ODAD2: variants seen among roughly 807,000 people sequenced by gnomAD.
The protein encoded by ODAD2 is outer dynein arm docking complex subunit 2.
In ODAD2, 89 loss-of-function variants were observed where a neutral mutation model predicts 106.8. The observed-to-expected ratio is 0.83, with a 90% CI of 0.70 to 0.99. The LOEUF (loss-of-function observed/expected upper bound fraction) is 0.99, where lower values mean the gene tolerates loss of function less well. ODAD2 is among the 50% of genes least tolerant of loss of function. ODAD2 has a pLI of 0.00. For missense variants in ODAD2, 1,168 were observed against 1,238.5 expected, an observed-to-expected ratio of 0.94 and a Z score of 0.85; for synonymous variants, 404 against 436.2, an observed-to-expected ratio of 0.93 and a Z score of 0.92.
chr10:27,875,305 C>T (rs936938530), intron 17 of ODAD2, among the ~76,000 whole-genome samples: 1 of 152,096 alleles, frequency 6.6e-6, no homozygotes, highest in Non-Finnish European at 1.5e-5. Context: ...TTTAAACTTC[C>T]TCCTTTAGCT....
chr10:27,887,797 G>T (rs1589930760), intron 17 of ODAD2, among the ~76,000 whole-genome samples: 1 of 151,742 alleles, frequency 6.6e-6, no homozygotes, highest in Non-Finnish European at 1.5e-5. Context: ...GCAAGAGTTG[G>T]TTACTCAAAA....
intron 19 of ODAD2, among the ~76,000 whole-genome samples, chr10:27,816,941 G>C (rs150527862): frequency 0.018 from 2,719 of 152,136 alleles, 32 homozygotes; most frequent in Non-Finnish European, 0.027. Context: ...GTAGAGACGG[G>C]GTTTTGCCAT....
intron 17 of ODAD2, among the ~76,000 whole-genome samples, chr10:27,898,635 A>G (rs888045104): frequency 2.6e-5 from 4 of 152,198 alleles, no homozygotes; most frequent in Non-Finnish European, 5.9e-5. Context: ...CCCTGTAAAC[A>G]ATATTATTTA....
At chr10:27,867,174 C>G (rs1840502305) in intron 17 of ODAD2, among the ~76,000 whole-genome samples, 1 of 152,106 alleles carries the variant, frequency 6.6e-6, no homozygotes, top group African/African-American at 2.4e-5. Context: ...GAGGGACAAA[C>G]TAGCAACCAC....
chr10:27,858,751 A>G (rs1839832047), intron 19 of ODAD2, among the ~76,000 whole-genome samples: 1 of 151,830 alleles, frequency 6.6e-6, no homozygotes, highest in Non-Finnish European at 1.5e-5. Flanking sequence ...TGCGAGTTGC[A>G]TATACACCAG....
Position 27,940,558 on chromosome 10 carries a change from A to C in ODAD2, c.1986+5T>G. On this transcript the variant is annotated splice_donor_5th_base_variant and intron_variant, in intron 13 of 19. Coordinates refer to ENST00000305242, the MANE Select transcript of ODAD2 (RefSeq NM_018076.5). ...AGGCAAGGGAAGCAGAACTGGCATG[A>C]GTACCTCTGATGCACACTCTTGCAA... 6.2e-7 allele frequency: 1 copy of C among 1,613,666 alleles called. No homozygotes were observed. Among genetic ancestry groups the C allele is most frequent in the Non-Finnish European group, 8.5e-7 (1 of 1,179,616 alleles).
chr10:27,974,927 G>A (rs1265730527), intron 7 of ODAD2, among the ~76,000 whole-genome samples: 2 of 151,936 alleles, frequency 1.3e-5, no homozygotes, highest in Admixed American at 6.6e-5. Flanking sequence ...GTAGTGTTTT[G>A]TAATTCTCAC....
chr10:27,900,108 C>T (rs992001727), intron 17 of ODAD2, among the ~76,000 whole-genome samples: 1 of 152,172 alleles, frequency 6.6e-6, no homozygotes, highest in African/African-American at 2.4e-5. Context: ...ACAAAGCTTC[C>T]AGAGGAAGGA....
intron 16 of ODAD2, among the ~76,000 whole-genome samples, chr10:27,924,043 G>T: frequency 1.9e-5 from 2 of 107,532 alleles, no homozygotes; most frequent in East Asian, 3.2e-4. Context: ...AAAGAAAGAA[G>T]GAAAGAGAAA....
At chr10:27,993,101 G>A (rs1850330195) in intron 2 of ODAD2, among the ~76,000 whole-genome samples, 1 of 151,962 alleles carries the variant, frequency 6.6e-6, no homozygotes, top group Non-Finnish European at 1.5e-5. Flanking sequence ...TTTCAGTAGA[G>A]ACAGGATTTC....
chr10:27,877,134 G>A (rs1357470370), intron 17 of ODAD2, among the ~76,000 whole-genome samples: 1 of 152,132 alleles, frequency 6.6e-6, no homozygotes, highest in Non-Finnish European at 1.5e-5. Flanking sequence ...AAGGAACAGA[G>A]TATTAGCTGT....
intron 17 of ODAD2, among the ~76,000 whole-genome samples, chr10:27,889,325 G>A (rs1589935483): frequency 6.6e-6 from 1 of 152,186 alleles, no homozygotes; most frequent in East Asian, 1.9e-4. Context: ...AAGCGGGCAT[G>A]CTGGAAAAGG....
intron 17 of ODAD2, among the ~76,000 whole-genome samples, chr10:27,896,681 G>A (rs988350262): frequency 6.6e-6 from 1 of 152,014 alleles, no homozygotes; most frequent in Non-Finnish European, 1.5e-5. Context: ...TAGGATTAAG[G>A]AACAGTGAGA....
chr10:27,940,123 G>T, intron 13 of ODAD2, 116 bp from the exon 14 acceptor site: 1 of 646,028 alleles, frequency 1.5e-6, no homozygotes, highest in Non-Finnish European at 2.6e-6. Flanking sequence ...CATAGTCCAA[G>T]CTTAACATAT....
chr10:27,961,517 G>A (rs1725280156), intron 10 of ODAD2, 51 bp downstream of exon 10: 1 of 1,508,446 alleles, frequency 6.6e-7, no homozygotes. Context: ...ACATCTTTGG[G>A]AAAGTATTTT....
intron 10 of ODAD2, among the ~76,000 whole-genome samples, chr10:27,960,778 T>C (rs906970628): frequency 2.0e-5 from 3 of 152,230 alleles, no homozygotes; most frequent in African/African-American, 7.2e-5. Context: ...ATGCCCTTGG[T>C]TGATTTAACC....
At chr10:27,942,012 T>C (rs1230247429) in intron 12 of ODAD2, among the ~76,000 whole-genome samples, 2 of 152,000 alleles carry the variant, frequency 1.3e-5, no homozygotes, top group African/African-American at 2.4e-5. Context: ...GGGGATGGGG[T>C]ATGGAGGCTT....
chr10:27,849,876 C>T (rs1214204905), intron 19 of ODAD2, among the ~76,000 whole-genome samples: 1 of 152,136 alleles, frequency 6.6e-6, no homozygotes, highest in Non-Finnish European at 1.5e-5. Context: ...AAAATAGGAG[C>T]TTGTGCATGA....
At chr10:27,884,748 G>A (rs1589916509) in intron 17 of ODAD2, among the ~76,000 whole-genome samples, 1 of 152,148 alleles carries the variant, frequency 6.6e-6, no homozygotes, top group Non-Finnish European at 1.5e-5. Flanking sequence ...GAATGCCTAA[G>A]ATCCCAAGAA....
Sources: gnomAD v4.1 joint callset for allele counts (sites outside exome capture counted in the v4.1 genomes callset) on GRCh38, gnomAD v4.1.1 for gene constraint, MANE v1.5 for transcripts, NCBI Gene and HGNC (gene_info 2026-07-23, HGNC 2026-07-21) for gene names.